SAMTOR: variants seen among roughly 807,000 people sequenced by gnomAD.
The protein encoded by SAMTOR is UPF0532 protein C7orf60.
At chr7:112,894,436 G>A in the SAMTOR span, among the ~76,000 whole-genome samples, 8 of 152,136 alleles carry the variant, frequency 5.3e-5, no homozygotes, top group Non-Finnish European at 1.0e-4. Flanking sequence ...TTACTAAAAT[G>A]TGACAGTGTA....
chr7:112,926,897 GACT>G, the SAMTOR span, among the ~76,000 whole-genome samples: 2 of 151,954 alleles, frequency 1.3e-5, no homozygotes, highest in Non-Finnish European at 2.9e-5. Flanking sequence ...TTCAAACTCT[GACT>G]ACTGTGTATA....
At chr7:112,922,665 A>T in the SAMTOR span, among the ~76,000 whole-genome samples, 1 of 145,054 alleles carries the variant, frequency 6.9e-6, no homozygotes, top group African/African-American at 2.6e-5. Context: ...CTGGGAGGTG[A>T]GGAGCGTCTC....
chr7:112,939,552 G>A, the SAMTOR span: 22 of 1,613,382 alleles, frequency 1.4e-5, no homozygotes, highest in African/African-American at 2.5e-4. Context: ...TGGGGGTGAT[G>A]AGGCCTCCCC....
chr7:112,846,985 G>A, the SAMTOR span, among the ~76,000 whole-genome samples: 2 of 152,014 alleles, frequency 1.3e-5, no homozygotes, highest in African/African-American at 4.8e-5. Flanking sequence ...AGCTACCCTG[G>A]TTTCTCTTAG....
chr7:112,921,024 A>C, the SAMTOR span, among the ~76,000 whole-genome samples: 1 of 152,210 alleles, frequency 6.6e-6, no homozygotes, highest in African/African-American at 2.4e-5. Context: ...ATATTGCCCA[A>C]GGTAATTTAT....
the SAMTOR span, among the ~76,000 whole-genome samples, chr7:112,856,021 C>G: frequency 5.0e-3 from 754 of 151,976 alleles, 3 homozygotes; most frequent in Middle Eastern, 0.034. Flanking sequence ...TTAAGTGTTT[C>G]GTGTGTGTAT....
chr7:112,899,509 T>A, the SAMTOR span, among the ~76,000 whole-genome samples: 1 of 152,128 alleles, frequency 6.6e-6, no homozygotes, highest in Non-Finnish European at 1.5e-5. Context: ...GGGTAGAACG[T>A]TTATTCAAAG....
the SAMTOR span, among the ~76,000 whole-genome samples, chr7:112,929,609 T>G: frequency 1.3e-5 from 2 of 152,054 alleles, no homozygotes; most frequent in Non-Finnish European, 2.9e-5. Context: ...GAAATCAGTA[T>G]GTCAAAGAGA....
chr7:112,902,534 T>G, the SAMTOR span, among the ~76,000 whole-genome samples: 4 of 151,516 alleles, frequency 2.6e-5, no homozygotes, highest in Non-Finnish European at 5.9e-5. Flanking sequence ...AACTATTCTG[T>G]ATAATACTAT....
chr7:112,886,332 G>A, the SAMTOR span, among the ~76,000 whole-genome samples: 14 of 152,260 alleles, frequency 9.2e-5, no homozygotes, highest in African/African-American at 3.1e-4. Context: ...TTGGCAAAAT[G>A]GGCATTTATA....
chr7:112,917,580 G>A, the SAMTOR span, among the ~76,000 whole-genome samples: 5 of 152,164 alleles, frequency 3.3e-5, no homozygotes, highest in Non-Finnish European at 7.3e-5. Flanking sequence ...CACCAGCAAC[G>A]GAATAAAGCT....
the SAMTOR span, among the ~76,000 whole-genome samples, chr7:112,930,221 A>T: frequency 0.023 from 3,429 of 152,268 alleles, 66 homozygotes; most frequent in Admixed American, 0.042. Context: ...TCAAGGCATT[A>T]AAACAAAATG....
the SAMTOR span, among the ~76,000 whole-genome samples, chr7:112,829,651 G>A: frequency 6.6e-6 from 1 of 152,148 alleles, no homozygotes; most frequent in East Asian, 1.9e-4. Context: ...TTCCTGAACT[G>A]TGTTCTGGGA....
At chr7:112,921,972 G>GCTCCCA in the SAMTOR span, among the ~76,000 whole-genome samples, 9 of 150,588 alleles carry the variant, frequency 6.0e-5, no homozygotes, top group African/African-American at 2.2e-4. Context: ...TCCCTCTCCC[G>GCTCCCA]CTCCCGCTCC....
chr7:112,820,282 A>T, the SAMTOR span: 1 of 152,502 alleles, frequency 6.6e-6, no homozygotes, highest in African/African-American at 2.4e-5. Context: ...GGCAATTCAC[A>T]ATAAGCACAA....
At chr7:112,911,988 A>C in the SAMTOR span, among the ~76,000 whole-genome samples, 1 of 151,768 alleles carries the variant, frequency 6.6e-6, no homozygotes, top group South Asian at 2.1e-4. Flanking sequence ...AAAGAATTGT[A>C]ACCACCAAAT....
the SAMTOR span, among the ~76,000 whole-genome samples, chr7:112,904,912 G>T: frequency 7.4e-4 from 113 of 152,288 alleles, 2 homozygotes; most frequent in Middle Eastern, 6.8e-3. Context: ...GTTGGAGGGT[G>T]TGCTTATACA....
At chr7:112,885,092 C>T in the SAMTOR span, among the ~76,000 whole-genome samples, 1 of 152,214 alleles carries the variant, frequency 6.6e-6, no homozygotes, top group Non-Finnish European at 1.5e-5. Flanking sequence ...TGAGCTGTAC[C>T]TTGGCCCCTT....
chr7:112,821,661 G>A, the SAMTOR span: 1 of 1,329,176 alleles, frequency 7.5e-7, no homozygotes, highest in South Asian at 1.6e-5. Context: ...CAGGTTTTCA[G>A]TACTGAGTTC....
Sources: allele counts gnomAD v4.1 joint callset (sites outside exome capture counted in the v4.1 genomes callset), GRCh38; gene constraint gnomAD v4.1.1; transcripts MANE v1.5; gene names NCBI Gene and HGNC (gene_info 2026-07-23, HGNC 2026-07-21).